The following MYO5B variants were observed in gnomAD, a reference collection of about 807,000 sequenced individuals.
MYO5B encodes the protein unconventional myosin-Vb.
A neutral mutation model predicts 229.3 loss-of-function variants in MYO5B; 143 were observed. The observed-to-expected ratio is 0.62, with a 90% confidence interval of 0.54 to 0.72. MYO5B has a LOEUF of 0.72. Ranked by LOEUF, MYO5B falls within the 30% of genes least tolerant of loss-of-function variation. The pLI, the probability that MYO5B is intolerant of heterozygous loss-of-function variation, is 0.00. For synonymous variants in MYO5B, 918 were observed against 885.2 expected (o/e 1.04, Z -0.66); for missense variants, 2,321 against 2,331.0 (o/e 1.00, Z 0.09).
intron 1 of MYO5B, among the ~76,000 whole-genome samples, chr18:50,072,056 G>C (rs1343651045): frequency 6.6e-6 from 1 of 152,204 alleles, no homozygotes; most frequent in Non-Finnish European, 1.5e-5. Context: ...GGTCTCCTTG[G>C]TACCACTAGG....
rs981038465 is a variant in MYO5B at position 49,824,915 on chromosome 18, C to G, written c.*1556G>C. The G allele has an allele frequency of 2.0e-5, 3 of 152,174 alleles. No homozygotes were observed. The highest frequency in any genetic ancestry group is 7.2e-5 in the African/African-American group (3 of 41,430). The allele number at this position is 152,174 out of a possible 1,614,324, so 9.4% of individuals were successfully genotyped here. On this transcript the variant is annotated 3_prime_UTR_variant, in exon 40 of 40. Coordinates refer to ENST00000285039, the MANE Select transcript of MYO5B (RefSeq NM_001080467.3). The stretch of plus-strand genomic sequence containing the variant: ...ACCCAGGCTAAGACTGGCCTAAGCC[C>G]CAGGAGATGCAGAGAACAACTGAGG...
intron 10 of MYO5B, among the ~76,000 whole-genome samples, chr18:49,971,696 G>T (rs923028456): frequency 6.6e-6 from 1 of 152,146 alleles, no homozygotes; most frequent in African/African-American, 2.4e-5. Context: ...CATATTTAGG[G>T]CATGTATGTA....
At chr18:49,920,158 T>C (rs2025058738) in intron 17 of MYO5B, among the ~76,000 whole-genome samples, 1 of 151,790 alleles carries the variant, frequency 6.6e-6, no homozygotes. Flanking sequence ...GGGCTGGGAG[T>C]GGGGACTATT....
intron 17 of MYO5B, among the ~76,000 whole-genome samples, chr18:49,927,007 G>A (rs796841470): frequency 1.4e-4 from 22 of 152,092 alleles, no homozygotes; most frequent in African/African-American, 5.1e-4. Context: ...GCTAGGGACT[G>A]GGGGAGAGAG....
At chr18:50,159,640 CT>C (rs984538863) in intron 1 of MYO5B, among the ~76,000 whole-genome samples, 1 of 152,224 alleles carries the variant, frequency 6.6e-6, no homozygotes, top group Non-Finnish European at 1.5e-5. Context: ...TGTCTCCCAA[CT>C]GTCCCAAAAG....
intron 31 of MYO5B, 99 bp from the exon 32 acceptor site, chr18:49,849,759 T>C (rs1400681444): frequency 8.0e-6 from 7 of 871,716 alleles, no homozygotes; most frequent in African/African-American, 3.3e-5. Context: ...GTGCGGCCCA[T>C]GGGCAGCCGT....
chr18:49,957,952 C>A (rs151214390), intron 12 of MYO5B, among the ~76,000 whole-genome samples: 1 of 152,164 alleles, frequency 6.6e-6, no homozygotes, highest in South Asian at 2.1e-4. Context: ...ACTCTGCAGT[C>A]CTCACTGCTC....
intron 14 of MYO5B, among the ~76,000 whole-genome samples, chr18:49,942,976 C>G (rs1334335579): frequency 6.6e-6 from 1 of 151,948 alleles, no homozygotes; most frequent in Non-Finnish European, 1.5e-5. Flanking sequence ...AAATGTTCAA[C>G]AATGATAGAC....
chr18:50,072,241 GAA>G (rs35517763), intron 1 of MYO5B, among the ~76,000 whole-genome samples: 89 of 144,990 alleles, frequency 6.1e-4, no homozygotes, highest in South Asian at 2.0e-3. Flanking sequence ...TTTAAAAAGA[GAA>G]AAAAAAAAAA....
intron 1 of MYO5B, among the ~76,000 whole-genome samples, chr18:50,156,900 C>A (rs547080224): frequency 6.6e-6 from 1 of 152,134 alleles, no homozygotes. Flanking sequence ...CTTTATCCAA[C>A]GCTACTGTCA....
chr18:49,933,606 T>C (rs2025218019), intron 16 of MYO5B, among the ~76,000 whole-genome samples: 1 of 152,236 alleles, frequency 6.6e-6, no homozygotes, highest in Admixed American at 6.5e-5. Flanking sequence ...CATTTTTAGC[T>C]GTCACAATGA....
intron 1 of MYO5B, among the ~76,000 whole-genome samples, chr18:50,113,095 T>C (rs765724478): frequency 1.2e-4 from 19 of 152,178 alleles, no homozygotes; most frequent in African/African-American, 4.3e-4. Flanking sequence ...TGTGCCTCAA[T>C]TCCCTGCCCG....
intron 21 of MYO5B, among the ~76,000 whole-genome samples, chr18:49,895,497 T>G (rs909331575): frequency 2.0e-5 from 3 of 152,230 alleles, no homozygotes; most frequent in Non-Finnish European, 4.4e-5. Context: ...TATTTTTAAG[T>G]TGCAGAAACA....
In MYO5B at chr18:49,843,306, T is replaced by C. The variant is rs745439435; in HGVS notation, c.4546A>G (p.Asn1516Asp). 1.6e-5 allele frequency: 26 copies of C among 1,614,184 alleles called. No homozygotes were observed. The highest frequency in any genetic ancestry group is 1.9e-5 in the Non-Finnish European group (23 of 1,180,026). Residue 1516 changes from asparagine to aspartate, a missense_variant, in exon 34 of 40, where the codon AAC becomes GAC. By Grantham distance (23) the Asn-to-Asp change is conservative. This residue lies in a region of MYO5B where 2,113 missense variants were observed against 2,044.7 expected (regional missense o/e 1.03). Coordinates refer to ENST00000285039, the MANE Select transcript of MYO5B (RefSeq NM_001080467.3). ...AGGGAGTGCACCTTGAGATCGTCGTTGGTGTAGTCCGCGTGCCGGATGCAC... is the reference window on the plus strand; with the variant it reads ...AGGGAGTGCACCTTGAGATCGTCGTCGGTGTAGTCCGCGTGCCGGATGCAC... The part of the protein sequence containing the change: ...YMCIRHADYT[N>D]DDLKVHSLLT...
rs543581627 is a variant in MYO5B, at chr18:49,949,283, T to A, written c.1752+3977A>T. On this transcript the variant is annotated intron_variant, in intron 14 of 39. Coordinates refer to ENST00000285039, the MANE Select transcript of MYO5B (RefSeq NM_001080467.3). ...TCCTTTTAAAGTTTTCTTTTTCTCC[T>A]GGTTGATAAATTATTCCTTTTCACA... Among the ~76,000 whole-genome samples, 6 of 151,944 alleles carry A rather than the reference T, an allele frequency of 3.9e-5. No homozygotes were observed. In the South Asian group the frequency reaches 1.2e-3, roughly 32 times the overall value.
intron 1 of MYO5B, among the ~76,000 whole-genome samples, chr18:50,152,641 A>T (rs546931134): frequency 6.6e-6 from 1 of 152,174 alleles, no homozygotes; most frequent in East Asian, 1.9e-4. Context: ...CAGGTAATCA[A>T]TTCATACAGC....
intron 5 of MYO5B, among the ~76,000 whole-genome samples, chr18:49,996,645 T>C (rs1310211601): frequency 1.3e-5 from 2 of 152,200 alleles, no homozygotes; most frequent in African/African-American, 2.4e-5. Flanking sequence ...ATAATTTCAA[T>C]GTAATTGATT....
At chr18:50,157,971 G>A (rs1391161386) in intron 1 of MYO5B, among the ~76,000 whole-genome samples, 1 of 152,170 alleles carries the variant, frequency 6.6e-6, no homozygotes, top group Non-Finnish European at 1.5e-5. Flanking sequence ...AGTAAAATTT[G>A]GGAGGTTTTA....
At chr18:49,995,074 T>C (rs2144317055) in intron 5 of MYO5B, among the ~76,000 whole-genome samples, 1 of 152,200 alleles carries the variant, frequency 6.6e-6, no homozygotes, top group Admixed American at 6.5e-5. Context: ...AATTCAGATA[T>C]ACCTGAATCC....
Sources: gnomAD v4.1 joint callset for allele counts (sites outside exome capture counted in the v4.1 genomes callset) on GRCh38, gnomAD v4.1.1 for gene constraint, gnomAD v4.1.1 regional missense constraint, MANE v1.5 for transcripts, NCBI Gene and HGNC (gene_info 2026-07-23, HGNC 2026-07-21) for gene names.